COL4A5: variants seen among roughly 807,000 people sequenced by gnomAD.
COL4A5 encodes collagen alpha-5(IV) chain.
Under a neutral mutation model 130.2 loss-of-function variants are expected in COL4A5, and 26 were observed. The observed-to-expected ratio is 0.20, with a 90% CI of 0.15 to 0.28. The LOEUF (loss-of-function observed/expected upper bound fraction) is 0.28. Among genes scored for constraint, COL4A5 ranks in the 10% least tolerant of loss-of-function variants. COL4A5 has a pLI of 1.00. For synonymous variants in COL4A5, 496 were observed against 439.6 expected, an observed-to-expected ratio of 1.13 and a Z score of -1.60; for missense variants, 1,131 against 1,344.3, an observed-to-expected ratio of 0.84 and a Z score of 2.48.
chrX:108,448,383 C>T (rs925124931), intron 1 of COL4A5, among the ~76,000 whole-genome samples: 2 of 112,011 alleles, frequency 1.8e-5, no homozygotes, highest in Admixed American at 1.9e-4. Flanking sequence ...TTGTATCATG[C>T]TATAATTCAA....
At chrX:108,629,210 T>A (rs1658793648) in intron 36 of COL4A5, among the ~76,000 whole-genome samples, 1 of 110,996 alleles carries the variant, frequency 9.0e-6, no homozygotes, top group Non-Finnish European at 1.9e-5. Flanking sequence ...AGATTGGTAA[T>A]GGGGGAAAGA....
intron 19 of COL4A5, among the ~76,000 whole-genome samples, chrX:108,587,470 A>C (rs1007031506): frequency 8.9e-6 from 1 of 111,997 alleles, no homozygotes; most frequent in Non-Finnish European, 1.9e-5. Flanking sequence ...TTATGGCCAA[A>C]TAATATTCCA....
Position 108,558,453 on chromosome X carries a change from A to T in COL4A5, c.142-611A>T, listed in dbSNP as rs1010627581. Among the ~76,000 whole-genome samples, 3 of 111,048 alleles carry T rather than the reference A, an allele frequency of 2.7e-5. No individual in the cohort carries two copies. The Admixed American group carries it at 2.9e-4, about 11-fold the overall frequency. ...AGATATGATGGGTCCTCACTGGTAG[A>T]TAGGCAGTCTTCCTGTCCTGGTGAT... is the stretch of plus-strand genomic sequence containing the variant. On this transcript the variant is annotated intron_variant, in intron 2 of 52. Transcript: ENST00000328300.
chrX:108,619,320 G>A (rs1042748963), intron 30 of COL4A5, among the ~76,000 whole-genome samples: 3 of 111,708 alleles, frequency 2.7e-5, no homozygotes, highest in Non-Finnish European at 5.6e-5. Flanking sequence ...ATTGTTGAAA[G>A]GAGACTTGGA....
intron 36 of COL4A5, among the ~76,000 whole-genome samples, chrX:108,648,781 A>C (rs75422720): frequency 8.9e-6 from 1 of 111,900 alleles, no homozygotes; most frequent in Non-Finnish European, 1.9e-5. Context: ...CACAGCCAAC[A>C]TAGTACTGAA....
At chrX:108,629,254 G>A (rs765094802) in intron 36 of COL4A5, among the ~76,000 whole-genome samples, 2 of 111,642 alleles carry the variant, frequency 1.8e-5, no homozygotes, top group East Asian at 2.8e-4. Context: ...CATAGTAGGG[G>A]CTTTTACTCC....
rs771848591 is a variant in COL4A5, at chrX:108,578,135, G to C, written c.687+16G>C. On this transcript the variant is annotated intron_variant, in intron 12 of 52. Transcript: ENST00000328300. ...AGGTGAAAAAGTGAGTAAAGAAAGA[G>C]AGCTGGTTATTCAGCCCTCAGCTTT... The C allele has an allele frequency of 6.6e-6, 8 of 1,206,287 alleles. No homozygotes were observed. The East Asian group carries it at 1.8e-4, about 27-fold the overall frequency.
Position 108,571,514 on chromosome X carries a change from G to A in COL4A5, c.438+48G>A, listed in dbSNP as rs756759436. The A allele has an allele frequency of 4.1e-6, 4 of 982,085 alleles. No individual in the cohort carries two copies. In the African/African-American group the frequency reaches 7.6e-5, roughly 19 times the overall value. 80.9% of individuals were successfully genotyped at this position (982,085 alleles called of 1,213,427 possible). On this transcript the variant is annotated intron_variant, in intron 7 of 52. Coordinates refer to ENST00000328300, the MANE Select transcript of COL4A5 (RefSeq NM_033380.3). ...ATGATGAACACAGGAATTAACAAAA[G>A]AAGCAGAAATGTAGTGAGAGAGCCC...
intron 36 of COL4A5, among the ~76,000 whole-genome samples, chrX:108,647,763 C>G (rs1446918023): frequency 5.4e-5 from 6 of 111,605 alleles, no homozygotes; most frequent in Non-Finnish European, 1.1e-4. Context: ...CCCATCAATA[C>G]CTAATTTATT....
intron 1 of COL4A5, among the ~76,000 whole-genome samples, chrX:108,443,259 C>G (rs969840046): frequency 9.8e-5 from 11 of 112,087 alleles, no homozygotes; most frequent in African/African-American, 3.2e-4. Context: ...TAAAAGCAAT[C>G]TAAAAGCAAA....
chrX:108,691,975 A>T (rs1274745447), intron 49 of COL4A5, among the ~76,000 whole-genome samples: 1 of 111,766 alleles, frequency 8.9e-6, no homozygotes, highest in African/African-American at 3.2e-5. Flanking sequence ...TGTGGAGCTG[A>T]GAGACAATAG....
intron 1 of COL4A5, among the ~76,000 whole-genome samples, chrX:108,533,895 A>G (rs2065419414): frequency 9.0e-6 from 1 of 111,409 alleles, no homozygotes; most frequent in South Asian, 3.7e-4. Context: ...AAAGACCTGA[A>G]TAGACATTTC....
At chrX:108,567,651 C>T (rs1001296035) in intron 4 of COL4A5, among the ~76,000 whole-genome samples, 4 of 111,883 alleles carry the variant, frequency 3.6e-5, no homozygotes, top group African/African-American at 1.3e-4. Flanking sequence ...TTCCACATGG[C>T]TCCGGAGGCC....
At chrX:108,664,478 C>T (rs1342706389) in intron 37 of COL4A5, among the ~76,000 whole-genome samples, 2 of 111,447 alleles carry the variant, frequency 1.8e-5, no homozygotes, top group Non-Finnish European at 3.8e-5. Context: ...TAGAGGAAAA[C>T]ATAGATAGAT....
intron 1 of COL4A5, among the ~76,000 whole-genome samples, chrX:108,490,653 TTTATC>T (rs1569477164): frequency 9.0e-6 from 1 of 111,729 alleles, no homozygotes; most frequent in East Asian, 2.8e-4. Context: ...TATTTAAAAA[TTTATC>T]TTATTTTAGG....
At chrX:108,590,840 T>A (rs929337985) in intron 19 of COL4A5, among the ~76,000 whole-genome samples, 1 of 111,878 alleles carries the variant, frequency 8.9e-6, no homozygotes, top group Admixed American at 9.5e-5. Flanking sequence ...CCAAAAGTAG[T>A]AAACCTACTT....
chrX:108,659,602 C>T (rs757689384), intron 37 of COL4A5, among the ~76,000 whole-genome samples: 5 of 110,158 alleles, frequency 4.5e-5, no homozygotes, highest in South Asian at 3.8e-4. Context: ...ATTCAGGAAA[C>T]GTATGTCTTC....
intron 1 of COL4A5, among the ~76,000 whole-genome samples, chrX:108,511,540 A>G: frequency 9.0e-6 from 1 of 111,084 alleles, no homozygotes; most frequent in Non-Finnish European, 1.9e-5. Flanking sequence ...AAGTTGGAAG[A>G]CTCTTCCAAG....
At chrX:108,665,021 C>T (rs2068047791) in intron 37 of COL4A5, among the ~76,000 whole-genome samples, 1 of 111,809 alleles carries the variant, frequency 8.9e-6, no homozygotes, top group East Asian at 2.8e-4. Flanking sequence ...ACTTTTTGAC[C>T]CAGCAATTCC....
Sources: gnomAD v4.1 joint callset for allele counts (sites outside exome capture counted in the v4.1 genomes callset) on GRCh38, gnomAD v4.1.1 for gene constraint, MANE v1.5 for transcripts, NCBI Gene and HGNC (gene_info 2026-07-23, HGNC 2026-07-21) for gene names.